The following COBL variants were observed in gnomAD, a reference collection of about 807,000 sequenced individuals.
The protein encoded by COBL is protein cordon-bleu.
Under a neutral mutation model 98.8 loss-of-function variants are expected in COBL, and 51 were observed. The observed-to-expected ratio is 0.52, with a 90% CI of 0.41 to 0.65. COBL has a LOEUF of 0.65. Ranked by LOEUF, COBL falls within the 30% of genes least tolerant of loss-of-function variation. COBL has a pLI of 0.00. For synonymous variants in COBL, 634 were observed against 651.7 expected (o/e 0.97, Z 0.41); for missense variants, 1,617 against 1,617.5 (o/e 1.00, Z 0.01).
chr7:51,035,057 A>C (rs1365714049), intron 8 of COBL: 1 of 152,242 alleles, frequency 6.6e-6, no homozygotes, highest in Non-Finnish European at 1.5e-5. Context: ...CAGGAAGTGG[A>C]CCTGCGTCCT....
chr7:51,287,596 A>G (rs1800488212), intron 1 of COBL, among the ~76,000 whole-genome samples: 1 of 152,244 alleles, frequency 6.6e-6, no homozygotes, highest in African/African-American at 2.4e-5. Context: ...TAAACACTTT[A>G]TGCATATAGT....
rs1244901229 is a variant in COBL at position 51,038,269 on chromosome 7, T to C, written c.1406+5114A>G. 3.9e-5 allele frequency among the ~76,000 whole-genome samples: 6 copies of C among 152,204 alleles called. No individual in the cohort carries two copies. The South Asian group carries it at 1.2e-3, about 31-fold the overall frequency. ...CGAATGGAGCCCACCAATGCTGCCA[T>C]GTATGAAGCAGGTGCTGCAGCAGCA... On this transcript the variant is annotated intron_variant, in intron 8 of 12. Transcript: ENST00000265136.
intron 6 of COBL, among the ~76,000 whole-genome samples, chr7:51,103,799 T>C (rs1423473031): frequency 2.0e-5 from 3 of 152,254 alleles, no homozygotes; most frequent in Non-Finnish European, 2.9e-5. Context: ...ATGGAGAATC[T>C]GGCTTGCTGG....
intron 6 of COBL, among the ~76,000 whole-genome samples, chr7:51,091,642 G>A (rs1477360951): frequency 6.6e-6 from 1 of 152,084 alleles, no homozygotes; most frequent in African/African-American, 2.4e-5. Context: ...CCAAATTGGA[G>A]GAAGGAAATA....
chr7:51,121,154 A>G (rs1797701710), intron 6 of COBL, among the ~76,000 whole-genome samples: 1 of 152,194 alleles, frequency 6.6e-6, no homozygotes, highest in African/African-American at 2.4e-5. Context: ...CAAGGGTTCC[A>G]ATTTCTCTAC....
At position 51,070,392 on chromosome 7, in the gene COBL, AAC is replaced by A. The variant is rs369051694; in HGVS notation, c.1096+14772_1096+14773del. Among the ~76,000 whole-genome samples, 180 of 138,916 alleles carry A rather than the reference AAC, an allele frequency of 1.3e-3. 2 individuals carry two copies. Among genetic ancestry groups the A allele is most frequent in the Admixed American group, 2.0e-3 (27 of 13,558 alleles). The allele number at this position is 138,916 out of a possible 152,430, so 91.1% of individuals were successfully genotyped here. On this transcript the variant is annotated intron_variant, in intron 7 of 12. Transcript: ENST00000265136. ...TGGGTATGAAGGATGAAACAGTTAA[AAC>A]ACACACACACACACACACACACACA...
At chr7:51,088,263 C>A (rs1354867984) in intron 6 of COBL, among the ~76,000 whole-genome samples, 1 of 152,040 alleles carries the variant, frequency 6.6e-6, no homozygotes, top group Non-Finnish European at 1.5e-5. Flanking sequence ...TCTGGGATTT[C>A]AATTAATTCA....
intron 2 of COBL, among the ~76,000 whole-genome samples, chr7:51,208,105 G>A (rs1297411456): frequency 2.0e-5 from 3 of 150,530 alleles, no homozygotes; most frequent in African/African-American, 4.9e-5. Context: ...TGTGAGGAGC[G>A]CCTCTGCCCG....
At chr7:51,059,997 C>T (rs910053268) in intron 7 of COBL, among the ~76,000 whole-genome samples, 9 of 152,286 alleles carry the variant, frequency 5.9e-5, no homozygotes, top group Middle Eastern at 3.4e-3. Context: ...AAACCCTCCA[C>T]AGGCCCTCCC....
chr7:51,082,958 C>T, intron 7 of COBL: 2 of 1,125,974 alleles, frequency 1.8e-6, no homozygotes, highest in African/African-American at 1.5e-5. Context: ...GCACACACAT[C>T]CAAAGACAAG....
intron 5 of COBL, among the ~76,000 whole-genome samples, chr7:51,152,013 A>G (rs764377970): frequency 3.9e-5 from 6 of 152,246 alleles, no homozygotes; most frequent in Middle Eastern, 3.2e-3. Context: ...CTCACAAATC[A>G]TATGATCTCA....
intron 4 of COBL, among the ~76,000 whole-genome samples, chr7:51,186,040 G>A (rs111386298): frequency 3.3e-4 from 51 of 152,372 alleles, no homozygotes; most frequent in Non-Finnish European, 6.2e-4. Flanking sequence ...CTGCAACATG[G>A]TGCAGCAGCA....
intron 12 of COBL, among the ~76,000 whole-genome samples, chr7:51,019,311 CT>C (rs1218634581): frequency 1.3e-5 from 2 of 151,972 alleles, no homozygotes; most frequent in Non-Finnish European, 2.9e-5. Context: ...CGTGTCTACC[CT>C]TCCATCACAT....
intron 7 of COBL, chr7:51,072,636 G>C (rs1792676516): frequency 1.3e-5 from 2 of 152,184 alleles, no homozygotes; most frequent in African/African-American, 4.8e-5. Context: ...TAAGTACTAT[G>C]TCACTGTTTA....
intron 8 of COBL, among the ~76,000 whole-genome samples, chr7:51,041,866 C>T (rs773411577): frequency 3.3e-5 from 5 of 152,088 alleles, no homozygotes; most frequent in African/African-American, 9.7e-5. Context: ...AAAACATTGG[C>T]GGGCTGAAGA....
intron 1 of COBL, among the ~76,000 whole-genome samples, chr7:51,245,678 A>G (rs1461525104): frequency 6.6e-6 from 1 of 152,256 alleles, no homozygotes; most frequent in Non-Finnish European, 1.5e-5. Context: ...TCTATAACAT[A>G]AATGATAGTA....
At chr7:51,144,351 A>AC (rs887829417) in intron 5 of COBL, among the ~76,000 whole-genome samples, 14 of 152,290 alleles carry the variant, frequency 9.2e-5, no homozygotes, top group African/African-American at 1.9e-4. Context: ...CCAAGGTCAC[A>AC]CACTAGGAAG....
intron 5 of COBL, among the ~76,000 whole-genome samples, chr7:51,182,652 A>G (rs1584084695): frequency 6.7e-6 from 1 of 148,930 alleles, no homozygotes; most frequent in African/African-American, 2.5e-5. Context: ...GAGGGAGAGT[A>G]GGGGGGAAGA....
chr7:51,178,555 T>A (rs1354401310), intron 5 of COBL, among the ~76,000 whole-genome samples: 1 of 152,150 alleles, frequency 6.6e-6, no homozygotes, highest in African/African-American at 2.4e-5. Context: ...TTGAATAAGC[T>A]GCAATAAAAA....
Sources: gnomAD v4.1 joint callset for allele counts (sites outside exome capture counted in the v4.1 genomes callset) on GRCh38, gnomAD v4.1.1 for gene constraint, MANE v1.5 for transcripts, NCBI Gene and HGNC (gene_info 2026-07-23, HGNC 2026-07-21) for gene names.